HOXA3: variants seen among roughly 807,000 people sequenced by gnomAD.
HOXA3 encodes the protein homeobox A3.
A neutral mutation model predicts 30.3 loss-of-function variants in HOXA3; 8 were observed. The observed-to-expected ratio is 0.26, with a 90% CI of 0.15 to 0.48. The LOEUF (loss-of-function observed/expected upper bound fraction) is 0.48, where lower values mean the gene tolerates loss of function less well. HOXA3 is among the 20% of genes least tolerant of loss of function. The probability of loss-of-function intolerance (pLI) is 0.99; values close to 1 mark genes in which losing one functional copy is unlikely to be tolerated. For synonymous variants in HOXA3, 323 were observed against 273.1 expected, an observed-to-expected ratio of 1.18 and a Z score of -1.80; for missense variants, 653 against 614.4, an observed-to-expected ratio of 1.06 and a Z score of -0.66.
intron 2 of HOXA3, among the ~76,000 whole-genome samples, chr7:27,139,446 C>G (rs1327021424): frequency 6.6e-6 from 1 of 152,218 alleles, no homozygotes; most frequent in Non-Finnish European, 1.5e-5. Flanking sequence ...CCCAGCCTCG[C>G]CGGCCTCTGC....
At chr7:27,148,910 T>C (rs991191525) in intron 1 of HOXA3, among the ~76,000 whole-genome samples, 1 of 152,218 alleles carries the variant, frequency 6.6e-6, no homozygotes, top group African/African-American at 2.4e-5. Flanking sequence ...CGCGGGATAA[T>C]TGATGGGCTC....
At chr7:27,129,250 G>C in intron 2 of HOXA3, 1 of 1,592,360 alleles carries the variant, frequency 6.3e-7, no homozygotes, top group Non-Finnish European at 8.6e-7. Context: ...AACGGGTGTG[G>C]AGGTGCTCGG....
At chr7:27,135,834 A>G (rs538083759) in intron 2 of HOXA3, among the ~76,000 whole-genome samples, 2 of 152,330 alleles carry the variant, frequency 1.3e-5, no homozygotes, top group South Asian at 4.1e-4. Context: ...CTGGTTCTCC[A>G]ACACCTAAGG....
Position 27,110,412 on chromosome 7 carries a change from C to A in HOXA3, c.229G>T (p.Ala77Ser). 1 of 1,538,460 alleles carries A rather than the reference C, an allele frequency of 6.5e-7. No individual in the cohort carries two copies. Residue 77 changes from alanine (A) to serine (S), a missense_variant, in exon 5 of 6, where the codon GCC (alanine) becomes TCC (serine). Ala to Ser is a moderately conservative substitution (Grantham distance 99, BLOSUM62 1). Around this residue, in one of 3 missense-constraint regions of HOXA3, gnomAD observed 320 missense variants for 321.9 expected, o/e 0.99. Transcript: ENST00000612286. ...LSEACLRTLSAPPSQPPSLGE... is the reference protein window; with the variant it reads ...LSEACLRTLSSPPSQPPSLGE... ...AGGCTTGGAGGCTGGCTAGGTGGGG[C>A]GCTCAGGGTGCGCAGGCACGCCTCA...
chr7:27,120,711 G>A (rs867897387), intron 4 of HOXA3, among the ~76,000 whole-genome samples: 2 of 152,250 alleles, frequency 1.3e-5, no homozygotes, highest in Middle Eastern at 3.4e-3. Context: ...TAACATTAAT[G>A]ACTTGGGGTG....
chr7:27,129,657 G>T lies in HOXA3; in HGVS notation c.-389-2587C>A, dbSNP rs1785435493. 6 of 1,450,288 alleles carry T rather than the reference G, an allele frequency of 4.1e-6. No individual in the cohort carries two copies. In the South Asian group the frequency reaches 7.0e-5, roughly 17 times the overall value. 89.8% of individuals were successfully genotyped at this position (1,450,288 alleles called of 1,614,324 possible). A position where few individuals can be genotyped will look rare whatever the true frequency, so the allele number is the denominator to read the frequency against. On this transcript the variant is annotated intron_variant, in intron 2 of 5. Transcript: ENST00000612286. ...GAGGAGGAGAGAGAAGGTGGGGTGG[G>T]GAAGAGCAATTGGACATCATCATTA...
intron 3 of HOXA3, chr7:27,123,147 C>T (rs893745338): frequency 2.0e-5 from 3 of 152,226 alleles, no homozygotes; most frequent in Non-Finnish European, 4.4e-5. Flanking sequence ...TTTCTGTAGG[C>T]GCGAAATCAG....
At chr7:27,125,450 G>GT (rs1395991382) in intron 3 of HOXA3, among the ~76,000 whole-genome samples, 1 of 152,240 alleles carries the variant, frequency 6.6e-6, no homozygotes, top group South Asian at 2.1e-4. Flanking sequence ...CCAGAGTTCT[G>GT]TAAGTTGCAG....
chr7:27,108,277 G>C lies in HOXA3; in HGVS notation c.970C>G (p.Pro324Ala). ...ASLPSCAPPP[P>A]PQKRYTAAGA... ...GCCGCCGTGTAGCGCTTCTGTGGGG[G>C]TGGCGGGGGTGCGCAGCTGGGCAGG... The change falls in exon 6 of 6, where the codon CCC becomes GCC. Residue 324 changes from proline (P) to alanine (A), a missense_variant. Around this residue, in one of 3 missense-constraint regions of HOXA3, gnomAD observed 330 missense variants for 274.4 expected, o/e 1.20. Coordinates refer to ENST00000612286, the MANE Select transcript of HOXA3 (RefSeq NM_153631.3). The surrounding 1 kb of genome is among the most constrained non-coding windows in gnomAD (Gnocchi z 5.0). The C allele has an allele frequency of 6.6e-7, 1 of 1,517,812 alleles. No individual in the cohort carries two copies. Among genetic ancestry groups the C allele is most frequent in the Non-Finnish European group, 8.8e-7 (1 of 1,133,022 alleles). The allele number at this position is 1,517,812 out of a possible 1,614,324, so 94.0% of individuals were successfully genotyped here.
rs570052000 is a variant in HOXA3 at position 27,108,214 on chromosome 7, G to A, written c.1033C>T (p.His345Tyr). 6.5e-7 allele frequency: 1 copy of A among 1,531,646 alleles called. No individual in the cohort carries two copies. Among genetic ancestry groups the A allele is most frequent in the South Asian group, 1.3e-5 (1 of 79,102 alleles). 94.9% of individuals were successfully genotyped at this position (1,531,646 alleles called of 1,614,324 possible). Residue 345 changes from histidine (H) to tyrosine (Y), a missense_variant, in exon 6 of 6, where the codon CAC (histidine) becomes TAC (tyrosine). This residue lies in a region of HOXA3 where 330 missense variants were observed against 274.4 expected (regional missense o/e 1.20). Coordinates refer to ENST00000612286, the MANE Select transcript of HOXA3 (RefSeq NM_153631.3). The surrounding 1 kb of genome is among the most constrained non-coding windows in gnomAD (Gnocchi z 5.0). ...GAGGTPDYDP[H>Y]AHGLQGNGSY... is the part of the protein sequence containing the mutation. ...CCGTTGCCCTGCAGGCCATGAGCGT[G>A]CGGGTCATAGTCGGGGGTGCCCCCT...
intron 4 of HOXA3, 75 bp downstream of exon 4, chr7:27,122,484 C>G (rs1261692850): frequency 6.6e-6 from 1 of 152,242 alleles, no homozygotes; most frequent in Non-Finnish European, 1.5e-5. Flanking sequence ...TTGCCAGGAA[C>G]CGTGGAGGGC....
chr7:27,107,851 AAGCAAC>A lies in HOXA3; in HGVS notation c.*58_*63del. The A allele has an allele frequency of 9.3e-7, 1 of 1,080,922 alleles. No individual in the cohort carries two copies. Among genetic ancestry groups the A allele is most frequent in the Non-Finnish European group, 1.3e-6 (1 of 786,192 alleles). 67.0% of individuals were successfully genotyped at this position (1,080,922 alleles called of 1,614,324 possible). A position where few individuals can be genotyped will look rare whatever the true frequency, so the allele number is the denominator to read the frequency against. The stretch of plus-strand genomic sequence containing the variant: ...AGAACCTAAAAAAAAAAAAAAAAAA[AAGCAAC>A]CAAAGAAAAAAGGTGGGTGGGGGGA... On this transcript the variant is annotated 3_prime_UTR_variant, in exon 6 of 6. Coordinates refer to ENST00000612286, the MANE Select transcript of HOXA3 (RefSeq NM_153631.3).
At chr7:27,129,482 A>G in intron 2 of HOXA3, 1 of 1,614,110 alleles carries the variant, frequency 6.2e-7, no homozygotes, top group South Asian at 1.1e-5. Context: ...TATCGATTGA[A>G]GTGGAACTCC....
intron 1 of HOXA3, chr7:27,145,724 C>T (rs936459843): frequency 1.9e-6 from 3 of 1,614,082 alleles, no homozygotes; most frequent in Non-Finnish European, 2.5e-6. Flanking sequence ...GCTTGTTTTC[C>T]TTTTTCCACT....
chr7:27,108,706 CAGCGCAGCTTT>C lies in HOXA3; in HGVS notation c.530_540del (p.Glu177GlyfsTer52). ...GCCTGCCCCGGCGGGCTCTTGTCGC[CAGCGCAGCTTT>C]CGCCTGCGAGGACAGAGAGAGGAAG... On this transcript the variant is annotated frameshift_variant, in exon 6 of 6. Coordinates refer to ENST00000612286, the MANE Select transcript of HOXA3 (RefSeq NM_153631.3). LOFTEE classifies it high-confidence loss of function. This position sits in a 1 kb window ranked among gnomAD's most constrained non-coding sequence, Gnocchi z 5.0. 6.2e-7 allele frequency: 1 copy of C among 1,602,062 alleles called. No homozygotes were observed. Among genetic ancestry groups the C allele is most frequent in the Non-Finnish European group, 8.5e-7 (1 of 1,172,044 alleles).
At position 27,110,686 on chromosome 7, in the gene HOXA3, C is replaced by A; in HGVS notation, c.-46G>T. The A allele has an allele frequency of 1.3e-6, 2 of 1,587,674 alleles. No individual in the cohort carries two copies. The highest frequency in any genetic ancestry group is 2.3e-5 in the East Asian group (1 of 44,084). ...ATCGCACACTCTGACAGGGGTTTGA[C>A]ACCCGTGAGGGCGCACATTGGCACG... On this transcript the variant is annotated 5_prime_UTR_variant, in exon 5 of 6. Coordinates refer to ENST00000612286, the MANE Select transcript of HOXA3 (RefSeq NM_153631.3).
At chr7:27,130,009 C>T in intron 2 of HOXA3, 4 of 1,291,748 alleles carry the variant, frequency 3.1e-6, no homozygotes, top group East Asian at 2.6e-5. Context: ...CAGATGGGGG[C>T]TCCCCTCCCG....
At chr7:27,117,367 C>A (rs1299739769) in intron 4 of HOXA3, among the ~76,000 whole-genome samples, 1 of 152,196 alleles carries the variant, frequency 6.6e-6, no homozygotes, top group African/African-American at 2.4e-5. Context: ...CAAACCTAAT[C>A]CTGGCTCCCT....
chr7:27,128,888 C>T, intron 2 of HOXA3: 1 of 353,124 alleles, frequency 2.8e-6, no homozygotes, highest in South Asian at 3.3e-5. Flanking sequence ...AAGTGTATGT[C>T]CCCACTCAGC....
Sources: gnomAD v4.1 joint callset for allele counts (sites outside exome capture counted in the v4.1 genomes callset) on GRCh38, gnomAD v4.1.1 for gene constraint, gnomAD v4.1.1 regional missense constraint, Gnocchi (gnomAD v3.1) non-coding constraint, MANE v1.5 for transcripts, NCBI Gene and HGNC (gene_info 2026-07-23, HGNC 2026-07-21) for gene names.